The following CCSER2 variants were observed in gnomAD, a reference collection of about 807,000 sequenced individuals.
CCSER2 encodes coiled-coil serine rich protein 2.
A neutral mutation model predicts 92.3 loss-of-function variants in CCSER2; 46 were observed. The ratio of observed to expected loss-of-function variants is 0.50; its 90% CI spans 0.39 to 0.64. The LOEUF is 0.64. CCSER2 is among the 30% of genes least tolerant of loss of function. The pLI, the probability that CCSER2 is intolerant of heterozygous loss-of-function variation, is 0.00. For synonymous variants in CCSER2, 433 were observed against 431.4 expected, an observed-to-expected ratio of 1.00 and a Z score of -0.04; for missense variants, 1,244 against 1,238.9, an observed-to-expected ratio of 1.00 and a Z score of -0.06.
intron 6 of CCSER2, among the ~76,000 whole-genome samples, chr10:84,439,293 G>A (rs930663995): frequency 1.3e-5 from 2 of 150,146 alleles, no homozygotes; most frequent in Admixed American, 6.7e-5. Context: ...ATCTGATTCA[G>A]TAGTATTTAC....
rs143621463 is a variant in CCSER2, at chr10:84,445,866, G to T, written c.2064+7159G>T. On this transcript the variant is annotated intron_variant, in intron 6 of 9. Coordinates refer to ENST00000372088, the MANE Select transcript of CCSER2 (RefSeq NM_001284240.2). Reference sequence around the variant, plus strand: ...TTGTTCTATAATAGATATTTGGACAGGTTTCCTTTTTTGTTGTTTATTATG... The same window carrying T: ...TTGTTCTATAATAGATATTTGGACATGTTTCCTTTTTTGTTGTTTATTATG... Among the ~76,000 whole-genome samples the T allele has an allele frequency of 2.5e-3, 385 of 152,204 alleles. 2 individuals are homozygous for T. Among genetic ancestry groups the T allele is most frequent in the African/African-American group, 8.5e-3 (353 of 41,530 alleles).
rs1275238498 is a variant in CCSER2, at chr10:84,371,043, C to CT, written c.-8dup. The CT allele has an allele frequency of 1.9e-6, 3 of 1,554,534 alleles. No individual in the cohort carries two copies. The highest frequency in any genetic ancestry group is 1.4e-5 in the African/African-American group (1 of 72,612). Reference sequence around the variant, plus strand: ...TTTCAACTTTTAAGAACAAATGCACCTTATAGCTCATGGAAGAAAAAACAC... The same window carrying CT: ...TTTCAACTTTTAAGAACAAATGCACCTTTATAGCTCATGGAAGAAAAAACAC... On this transcript the variant is annotated 5_prime_UTR_variant, in exon 2 of 10. Coordinates refer to ENST00000372088, the MANE Select transcript of CCSER2 (RefSeq NM_001284240.2).
chr10:84,351,088 T>C (rs1844832479), intron 1 of CCSER2, among the ~76,000 whole-genome samples: 1 of 151,752 alleles, frequency 6.6e-6, no homozygotes, highest in African/African-American at 2.4e-5. Context: ...AAAACAATGA[T>C]ATTTTAAAAG....
At chr10:84,402,471 C>T (rs1169860683) in intron 3 of CCSER2, among the ~76,000 whole-genome samples, 1 of 152,114 alleles carries the variant, frequency 6.6e-6, no homozygotes, top group East Asian at 1.9e-4. Flanking sequence ...AAAAACCAAA[C>T]ACTATTTGCC....
At chr10:84,461,775 C>A (rs1219651635) in intron 6 of CCSER2, among the ~76,000 whole-genome samples, 1 of 151,336 alleles carries the variant, frequency 6.6e-6, no homozygotes, top group African/African-American at 2.4e-5. Flanking sequence ...CCTTCTGTGT[C>A]ATTTTGGTGT....
chr10:84,457,876 G>C (rs1845868397), intron 6 of CCSER2, among the ~76,000 whole-genome samples: 1 of 150,834 alleles, frequency 6.6e-6, no homozygotes, highest in Non-Finnish European at 1.5e-5. Flanking sequence ...GGAGTAGCTG[G>C]GATTACAGGC....
chr10:84,379,962 A>G (rs75918902), intron 3 of CCSER2, among the ~76,000 whole-genome samples: 5,107 of 152,262 alleles, frequency 0.034, 117 homozygotes, highest in Middle Eastern at 0.085. Context: ...ATTCGGATTC[A>G]ATTCTCTTTG....
intron 9 of CCSER2, among the ~76,000 whole-genome samples, chr10:84,483,981 A>T (rs1564711570): frequency 1.1e-4 from 6 of 56,100 alleles, no homozygotes; most frequent in Non-Finnish European, 2.6e-4. Context: ...ATATATATAT[A>T]TATATATATA....
chr10:84,466,370 A>C (rs141541954), intron 7 of CCSER2, among the ~76,000 whole-genome samples: 124 of 152,206 alleles, frequency 8.1e-4, no homozygotes, highest in African/African-American at 2.8e-3. Context: ...CCATTCCCTT[A>C]ATGATCTCTT....
chr10:84,476,335 T>A (rs1564704202), intron 8 of CCSER2, among the ~76,000 whole-genome samples: 1 of 151,968 alleles, frequency 6.6e-6, no homozygotes, highest in Non-Finnish European at 1.5e-5. Flanking sequence ...TAATCAAGAA[T>A]TTTTTAGTTT....
Position 84,515,605 on chromosome 10 carries a change from C to T in CCSER2, c.*1338C>T, listed in dbSNP as rs1378666379. The T allele has an allele frequency of 1.3e-5, 2 of 152,096 alleles. No individual in the cohort carries two copies. The highest frequency in any genetic ancestry group is 4.8e-5 in the African/African-American group (2 of 41,400). 9.4% of individuals were successfully genotyped at this position (152,096 alleles called of 1,614,324 possible). A position where few individuals can be genotyped will look rare whatever the true frequency, so the allele number is the denominator to read the frequency against. Reference sequence around the variant, plus strand: ...TACAGGCATGTGCCACCATGCCTGGCTAATTTTTTTGTATTTTTAGTAGAG... The same window carrying T: ...TACAGGCATGTGCCACCATGCCTGGTTAATTTTTTTGTATTTTTAGTAGAG... On this transcript the variant is annotated 3_prime_UTR_variant, in exon 10 of 10. Coordinates refer to ENST00000372088, the MANE Select transcript of CCSER2 (RefSeq NM_001284240.2).
chr10:84,454,780 A>C, intron 6 of CCSER2: 1 of 162,324 alleles, frequency 6.2e-6, no homozygotes, highest in Non-Finnish European at 1.4e-5. Context: ...TATTTTCTTT[A>C]GAATATTCAT....
chr10:84,334,244 G>A (rs1341421517), intron 1 of CCSER2, among the ~76,000 whole-genome samples: 1 of 152,124 alleles, frequency 6.6e-6, no homozygotes, highest in Non-Finnish European at 1.5e-5. Context: ...TCTTTCCGTT[G>A]TTATTGACTA....
At chr10:84,499,645 C>T (rs1446838585) in intron 9 of CCSER2, among the ~76,000 whole-genome samples, 3 of 151,742 alleles carry the variant, frequency 2.0e-5, no homozygotes, top group Non-Finnish European at 2.9e-5. Flanking sequence ...CATTGTACTA[C>T]AAATATTAGA....
intron 1 of CCSER2, among the ~76,000 whole-genome samples, chr10:84,357,451 G>GTTTTTT (rs11325480): frequency 8.7e-6 from 1 of 115,550 alleles, no homozygotes. Context: ...ATATTTTTGT[G>GTTTTTT]TTTTTTTTTT....
chr10:84,477,820 G>T (rs1161546211), intron 9 of CCSER2, among the ~76,000 whole-genome samples, 156 bp downstream of exon 9: 2 of 145,262 alleles, frequency 1.4e-5, no homozygotes, highest in Non-Finnish European at 1.6e-5. Context: ...AGGTGTTTAT[G>T]TGTTTTCCTA....
At position 84,457,552 on chromosome 10, in the gene CCSER2, A is replaced by C. The variant is rs1845814688; in HGVS notation, c.2065-6381A>C. On this transcript the variant is annotated intron_variant, in intron 6 of 9. Coordinates refer to ENST00000372088, the MANE Select transcript of CCSER2 (RefSeq NM_001284240.2). ...ATATGTATAATTATATATAATGTAT[A>C]TTATTATATATAAATTTATATTTAT... 3.4e-5 allele frequency among the ~76,000 whole-genome samples: 4 copies of C among 117,060 alleles called. No homozygotes were observed. The South Asian group carries it at 9.1e-4, about 27-fold the overall frequency. 76.8% of individuals were successfully genotyped at this position (117,060 alleles called of 152,430 possible).
chr10:84,406,195 T>A (rs1175336809), intron 3 of CCSER2, among the ~76,000 whole-genome samples: 1 of 152,208 alleles, frequency 6.6e-6, no homozygotes, highest in Non-Finnish European at 1.5e-5. Context: ...ATTCCATTTA[T>A]ATGATATTCT....
In CCSER2 at chr10:84,400,548, A is replaced by T. The variant is rs573405165; in HGVS notation, c.1615-17223A>T. 5.3e-5 allele frequency among the ~76,000 whole-genome samples: 8 copies of T among 152,146 alleles called. No individual in the cohort carries two copies. The South Asian group carries it at 1.7e-3, about 32-fold the overall frequency. ...ATTGATCCATTTTATGTTTTTGTAT[A>T]TGGTGTGAGGTAATGATCTGACTTC... On this transcript the variant is annotated intron_variant, in intron 3 of 9. Transcript: ENST00000372088.
Sources: allele counts gnomAD v4.1 joint callset (sites outside exome capture counted in the v4.1 genomes callset), GRCh38; gene constraint gnomAD v4.1.1; transcripts MANE v1.5; gene names NCBI Gene and HGNC (gene_info 2026-07-23, HGNC 2026-07-21).